The following PDE12 variants were observed in gnomAD, a reference collection of about 807,000 sequenced individuals.
PDE12 encodes 2',5'-phosphodiesterase 12.
A neutral mutation model predicts 45.4 loss-of-function variants in PDE12; 26 were observed. The ratio of observed to expected loss-of-function variants is 0.57; its 90% confidence interval spans 0.42 to 0.79. PDE12 has a LOEUF of 0.79. Among genes scored for constraint, PDE12 ranks in the 30% least tolerant of loss-of-function variants. The pLI is 0.00. For missense variants in PDE12, 668 were observed against 790.0 expected, an observed-to-expected ratio of 0.85 and a Z score of 1.85; for synonymous variants, 283 against 323.9, an observed-to-expected ratio of 0.87 and a Z score of 1.36.
the PDE12 span, among the ~76,000 whole-genome samples, chr3:57,586,096 TGTAA>T: frequency 6.6e-6 from 1 of 152,176 alleles, no homozygotes; most frequent in East Asian, 1.9e-4. Context: ...ATTAAATGCT[TGTAA>T]GTATGAATCT....
chr3:57,620,398 G>T, the PDE12 span, among the ~76,000 whole-genome samples: 8 of 151,836 alleles, frequency 5.3e-5, no homozygotes, highest in Non-Finnish European at 1.2e-4. Flanking sequence ...AAAAAAAAAG[G>T]TTTTAAAAAA....
At chr3:57,600,805 C>T in the PDE12 span, 167 of 152,254 alleles carry the variant, frequency 1.1e-3, no homozygotes, top group African/African-American at 3.3e-3. Context: ...GGGAGACTCA[C>T]TTGAGCCCAG....
chr3:57,625,093 G>A, the PDE12 span, among the ~76,000 whole-genome samples: 1 of 151,996 alleles, frequency 6.6e-6, no homozygotes, highest in African/African-American at 2.4e-5. Context: ...TTGTAGAGAC[G>A]GGGTCTCACT....
chr3:57,636,758 G>A, the PDE12 span, among the ~76,000 whole-genome samples: 2 of 151,916 alleles, frequency 1.3e-5, no homozygotes, highest in African/African-American at 4.8e-5. Flanking sequence ...CCAACATGGG[G>A]AAGCCCTGTC....
chr3:57,584,632 A>C, the PDE12 span, among the ~76,000 whole-genome samples: 4 of 152,222 alleles, frequency 2.6e-5, no homozygotes, highest in Non-Finnish European at 5.9e-5. Context: ...AACACTTCCT[A>C]CAGAAAGCCT....
chr3:57,631,030 C>T, the PDE12 span: 1 of 1,558,614 alleles, frequency 6.4e-7, no homozygotes. Context: ...AATATTTAAA[C>T]AGACCTACTT....
At chr3:57,640,404 C>A in the PDE12 span, among the ~76,000 whole-genome samples, 1 of 152,140 alleles carries the variant, frequency 6.6e-6, no homozygotes, top group East Asian at 1.9e-4. Context: ...ACCAGCCTTG[C>A]CAACATGGCA....
the PDE12 span, among the ~76,000 whole-genome samples, chr3:57,610,439 C>T: frequency 6.6e-6 from 1 of 152,142 alleles, no homozygotes; most frequent in Non-Finnish European, 1.5e-5. Flanking sequence ...AAGAGGAAGT[C>T]AAATTGTCCC....
At chr3:57,567,173 G>A (rs562462410), downstream of PDE12, among the ~76,000 whole-genome samples, 23 of 152,194 alleles carry the variant, frequency 1.5e-4, no homozygotes, top group African/African-American at 4.3e-4. Context: ...TTAGCTGGCC[G>A]TGGTGGTACA....
chr3:57,644,153 A>G, the PDE12 span, among the ~76,000 whole-genome samples: 2 of 151,890 alleles, frequency 1.3e-5, no homozygotes, highest in African/African-American at 4.8e-5. Context: ...CCATCTCAAA[A>G]AAAAAAAAAA....
At chr3:57,611,941 C>T in the PDE12 span, among the ~76,000 whole-genome samples, 2 of 152,106 alleles carry the variant, frequency 1.3e-5, no homozygotes, top group African/African-American at 2.4e-5. Context: ...AGCATGCCCA[C>T]GTATGTTTAT....
At chr3:57,588,140 G>A in the PDE12 span, among the ~76,000 whole-genome samples, 1 of 152,132 alleles carries the variant, frequency 6.6e-6, no homozygotes, top group African/African-American at 2.4e-5. Flanking sequence ...AATCTGTATA[G>A]CCCAGCAATG....
At chr3:57,645,657 T>C in the PDE12 span, 1 of 1,603,002 alleles carries the variant, frequency 6.2e-7, no homozygotes, top group Non-Finnish European at 8.5e-7. Flanking sequence ...TTATTTTTAC[T>C]TACGGAGCTT....
At chr3:57,620,698 A>C in the PDE12 span, among the ~76,000 whole-genome samples, 1 of 152,200 alleles carries the variant, frequency 6.6e-6, no homozygotes, top group African/African-American at 2.4e-5. Context: ...TTTTTGAAAA[A>C]TTGTAAATTT....
At chr3:57,601,025 C>T in the PDE12 span, 29 of 152,274 alleles carry the variant, frequency 1.9e-4, no homozygotes, top group Admixed American at 6.5e-4. Flanking sequence ...ATTTAATCAT[C>T]GCTTTTGAAC....
chr3:57,650,443 C>CACACACAT, the PDE12 span, among the ~76,000 whole-genome samples: 176 of 150,576 alleles, frequency 1.2e-3, 2 homozygotes, highest in Admixed American at 0.011. Flanking sequence ...CACACACACA[C>CACACACAT]ACATACATAC....
At chr3:57,584,476 C>T in the PDE12 span, 3 of 1,605,116 alleles carry the variant, frequency 1.9e-6, no homozygotes, top group Admixed American at 1.7e-5. Flanking sequence ...TAGAAGAAGA[C>T]ATTATAGATT....
At chr3:57,575,430 G>T in the PDE12 span, 36 of 974,664 alleles carry the variant, frequency 3.7e-5, no homozygotes, top group East Asian at 3.5e-4. Flanking sequence ...TTAAATAAAT[G>T]ATGTGCTCAT....
At chr3:57,597,789 G>C in the PDE12 span, 1 of 152,426 alleles carries the variant, frequency 6.6e-6, no homozygotes, top group Admixed American at 6.6e-5. Context: ...CGGTACGCGC[G>C]ATGGGTATTC....
Sources: allele counts gnomAD v4.1 joint callset (sites outside exome capture counted in the v4.1 genomes callset), GRCh38; gene constraint gnomAD v4.1.1; transcripts MANE v1.5; gene names NCBI Gene and HGNC (gene_info 2026-07-23, HGNC 2026-07-21).